The following AGO1 variants were observed in gnomAD, a reference collection of about 807,000 sequenced individuals.
AGO1 encodes protein argonaute-1.
A neutral mutation model predicts 109.2 loss-of-function variants in AGO1; 11 were observed. That is an observed-to-expected ratio of 0.10 (90% CI 0.06 to 0.17). The LOEUF (loss-of-function observed/expected upper bound fraction) is 0.17. AGO1 is among the 10% of genes least tolerant of loss of function. The pLI, the probability that AGO1 is intolerant of heterozygous loss-of-function variation, is 1.00. For missense variants in AGO1, 574 were observed against 1,140.3 expected, an observed-to-expected ratio of 0.50 and a Z score of 7.15; for synonymous variants, 422 against 418.6, an observed-to-expected ratio of 1.01 and a Z score of -0.10.
At chr1:35,907,917 A>G (rs1352100735) in intron 12 of AGO1, among the ~76,000 whole-genome samples, 10 of 152,128 alleles carry the variant, frequency 6.6e-5, no homozygotes, top group Admixed American at 6.5e-4. Context: ...TTGTGCCCAG[A>G]AATTCGAGGC....
chr1:35,913,991 C>G lies in AGO1; in HGVS notation c.1732C>G (p.Pro578Ala). 6.2e-7 allele frequency: 1 copy of G among 1,614,038 alleles called. No homozygotes were observed. Among genetic ancestry groups the G allele is most frequent in the South Asian group, 1.1e-5 (1 of 91,074 alleles). Residue 578 changes from proline (P) to alanine (A), a missense_variant, in exon 13 of 19, where the codon CCA becomes GCA. Pro to Ala is a conservative substitution (Grantham distance 27). Coordinates refer to ENST00000373204, the MANE Select transcript of AGO1 (RefSeq NM_012199.5). ...TGGTGGCATTAACAACATCCTAGTC[C>G]CACACCAGCGGTATGAACTCTGTTG... ...KLGGINNILV[P>A]HQRSAVFQQP...
rs987319587 is a variant in AGO1, at chr1:35,929,701, T to A, written c.*10094T>A. ...GTAGGGATGTGAAAGAAGAAGAAAG[T>A]AAGAATTGGAGTCAGATGTGGTTTT... On this transcript the variant is annotated 3_prime_UTR_variant, in exon 19 of 19. Coordinates refer to ENST00000373204, the MANE Select transcript of AGO1 (RefSeq NM_012199.5). 2.6e-5 allele frequency: 4 copies of A among 152,152 alleles called. No individual in the cohort carries two copies. The highest frequency in any genetic ancestry group is 9.7e-5 in the African/African-American group (4 of 41,418). 9.4% of individuals were successfully genotyped at this position (152,152 alleles called of 1,614,324 possible).
intron 7 of AGO1, 122 bp downstream of exon 7, chr1:35,894,524 T>G (rs1645283451): frequency 2.1e-6 from 2 of 963,254 alleles, no homozygotes; most frequent in South Asian, 3.1e-5. Context: ...CTGGCCCTGT[T>G]TTTGAAGATA....
intron 1 of AGO1, among the ~76,000 whole-genome samples, chr1:35,884,050 G>A (rs1453116379): frequency 6.6e-6 from 1 of 152,214 alleles, no homozygotes; most frequent in African/African-American, 2.4e-5. Flanking sequence ...TGCCCGACGT[G>A]GTGGGGGCGT....
chr1:35,876,121 A>G (rs1005362591), intron 1 of AGO1, among the ~76,000 whole-genome samples: 1 of 152,212 alleles, frequency 6.6e-6, no homozygotes, highest in East Asian at 1.9e-4. Context: ...TGAGGGGTTC[A>G]AGACATCAGT....
At chr1:35,917,519 T>C in intron 15 of AGO1, 74 bp from the exon 16 acceptor site, 1 of 1,479,816 alleles carries the variant, frequency 6.8e-7, no homozygotes, top group Non-Finnish European at 9.1e-7. Flanking sequence ...GGCAACTCCT[T>C]AGTTCAGAAG....
At position 35,894,411 on chromosome 1, in the gene AGO1, G is replaced by T. The variant is rs1322632476; in HGVS notation, c.872+9G>T. 1 of 1,613,824 alleles carries T rather than the reference G, an allele frequency of 6.2e-7. No homozygotes were observed. The highest frequency in any genetic ancestry group is 1.7e-5 in the Admixed American group (1 of 59,984). ...CCTGCTAGCCATCAGACGTAAGTTG[G>T]CAGGGGTGCTGAGTCATACTTTGTT... On this transcript the variant is annotated intron_variant, in intron 7 of 18. Transcript: ENST00000373204.
At chr1:35,898,950 G>A (rs529650555) in intron 8 of AGO1, among the ~76,000 whole-genome samples, 85 of 152,138 alleles carry the variant, frequency 5.6e-4, no homozygotes, top group African/African-American at 2.0e-3. Flanking sequence ...CAGTTCTGTG[G>A]CATTAAATAC....
intron 12 of AGO1, among the ~76,000 whole-genome samples, chr1:35,911,496 T>C (rs1645632234): frequency 6.7e-6 from 1 of 148,846 alleles, no homozygotes; most frequent in East Asian, 1.9e-4. Flanking sequence ...CCTCTGAGAT[T>C]TTTTTTTTTC....
chr1:35,882,547 G>A (rs530764256), upstream of AGO1, among the ~76,000 whole-genome samples: 1 of 152,212 alleles, frequency 6.6e-6, no homozygotes, highest in African/African-American at 2.4e-5. This position sits in a 1 kb window ranked among gnomAD's most constrained non-coding sequence, Gnocchi z 5.1. Context: ...CGTGATGAGG[G>A]CAGAAGCTGA....
At chr1:35,917,475 A>C (rs1488246500) in intron 15 of AGO1, 118 bp from the exon 16 acceptor site, 1 of 1,194,888 alleles carries the variant, frequency 8.4e-7, no homozygotes, top group Non-Finnish European at 1.2e-6. Flanking sequence ...ATCAGCATAT[A>C]AAGGGAGACT....
chr1:35,901,546 G>A lies in AGO1; in HGVS notation c.1093G>A (p.Ala365Thr). The A allele has an allele frequency of 6.2e-7, 1 of 1,614,120 alleles. No individual in the cohort carries two copies. Among genetic ancestry groups the A allele is most frequent in the Non-Finnish European group, 8.5e-7 (1 of 1,180,012 alleles). ...TDNQTSTMIK[A>T]TARSAPDRQE... Reference sequence around the variant, plus strand: ...CAACCAGACCTCGACCATGATAAAGGCCACAGCTAGATCCGCTCCAGACAG... The same window carrying A: ...CAACCAGACCTCGACCATGATAAAGACCACAGCTAGATCCGCTCCAGACAG... The change falls in exon 9 of 19, where the codon GCC becomes ACC. Residue 365 changes from alanine to threonine, a missense_variant. By Grantham distance (58) the Ala-to-Thr change is moderately conservative. This residue lies in a region of AGO1 where 42 missense variants were observed against 142.4 expected (regional missense o/e 0.29). Transcript: ENST00000373204. The surrounding 1 kb of genome is among the most constrained non-coding windows in gnomAD (Gnocchi z 4.8).
intron 11 of AGO1, 77 bp downstream of exon 11, chr1:35,902,414 C>T (rs1363261795): frequency 1.3e-6 from 2 of 1,547,982 alleles, no homozygotes. Flanking sequence ...TCCACAGGGG[C>T]TGATATTGAT....
At chr1:35,917,490 CA>C in intron 15 of AGO1, 102 bp from the exon 16 acceptor site, 1 of 1,374,486 alleles carries the variant, frequency 7.3e-7, no homozygotes, top group Non-Finnish European at 9.8e-7. Context: ...GAGACTGAGC[CA>C]AAAGTTATAT....
chr1:35,875,865 A>T (rs1644988754), intron 1 of AGO1, among the ~76,000 whole-genome samples: 1 of 152,248 alleles, frequency 6.6e-6, no homozygotes, highest in African/African-American at 2.4e-5. Flanking sequence ...ATACCTACTT[A>T]CACAACATCC....
At chr1:35,894,447 G>T in intron 7 of AGO1, 45 bp downstream of exon 7, 1 of 1,587,852 alleles carries the variant, frequency 6.3e-7, no homozygotes. Flanking sequence ...GGTGGAGAAG[G>T]GCTGAGATTT....
At chr1:35,873,160 T>C (rs1342439996) in intron 1 of AGO1, 2 of 152,080 alleles carry the variant, frequency 1.3e-5, no homozygotes, top group Non-Finnish European at 2.9e-5. Flanking sequence ...TCTAGAACAC[T>C]TTAGCTCTGA....
intron 13 of AGO1, 33 bp from the exon 14 acceptor site, chr1:35,914,151 G>A (rs376274144): frequency 1.8e-5 from 29 of 1,607,254 alleles, no homozygotes; most frequent in East Asian, 4.5e-5. Context: ...AAGACCCAGC[G>A]CCTCACCATT....
intron 8 of AGO1, among the ~76,000 whole-genome samples, chr1:35,900,220 A>T (rs1291826638): frequency 2.0e-5 from 3 of 152,170 alleles, no homozygotes; most frequent in Non-Finnish European, 4.4e-5. Context: ...GGGTTGCAGG[A>T]TGGAGCAACC....
Sources: allele counts gnomAD v4.1 joint callset (sites outside exome capture counted in the v4.1 genomes callset), GRCh38; gene constraint gnomAD v4.1.1; regional missense constraint gnomAD v4.1.1; non-coding constraint Gnocchi (gnomAD v3.1); transcripts MANE v1.5; gene names NCBI Gene and HGNC (gene_info 2026-07-23, HGNC 2026-07-21).